Variants in CCDC170 observed in about 807,000 individuals in gnomAD.
CCDC170 encodes the protein coiled-coil domain-containing protein 170.
A neutral mutation model predicts 72.6 loss-of-function variants in CCDC170; 69 were observed. That is an observed-to-expected ratio of 0.95 (90% CI 0.78 to 1.16). The LOEUF (loss-of-function observed/expected upper bound fraction) is 1.16. Ranked by LOEUF, CCDC170 falls within the 50% of genes most tolerant of loss-of-function variation. CCDC170 has a pLI of 0.00. For missense variants in CCDC170, 852 were observed against 832.5 expected (o/e 1.02, Z -0.29); for synonymous variants, 300 against 303.9 (o/e 0.99, Z 0.13).
intron 1 of CCDC170, among the ~76,000 whole-genome samples, chr6:151,510,668 G>A (rs186474165): frequency 1.2e-4 from 19 of 152,222 alleles, no homozygotes; most frequent in African/African-American, 4.1e-4. Flanking sequence ...CAGAAAAATC[G>A]TAAATTAGAT....
At chr6:151,515,528 C>T (rs955241686) in intron 1 of CCDC170, among the ~76,000 whole-genome samples, 2 of 152,172 alleles carry the variant, frequency 1.3e-5, no homozygotes, top group African/African-American at 4.8e-5. Context: ...GGTGATCTGC[C>T]TGCCTTGGCC....
intron 5 of CCDC170, among the ~76,000 whole-genome samples, chr6:151,561,138 C>A (rs1281602043): frequency 6.6e-6 from 1 of 151,750 alleles, no homozygotes; most frequent in African/African-American, 2.4e-5. Flanking sequence ...TTTGATACAG[C>A]CATGCAATGT....
intron 7 of CCDC170, among the ~76,000 whole-genome samples, chr6:151,589,649 C>A (rs1390851069): frequency 1.3e-5 from 2 of 152,146 alleles, no homozygotes; most frequent in Non-Finnish European, 2.9e-5. Context: ...ACTAACTGAG[C>A]TCCCAGCATT....
At chr6:151,582,986 C>CTTTTTTTTTT (rs35947074) in intron 6 of CCDC170, among the ~76,000 whole-genome samples, 1 of 94,234 alleles carries the variant, frequency 1.1e-5, no homozygotes, top group Non-Finnish European at 1.9e-5. Context: ...TGGAGTAGCA[C>CTTTTTTTTTT]TTTTTTTTTT....
chr6:151,527,023 T>G (rs1459287638), intron 1 of CCDC170, among the ~76,000 whole-genome samples: 1 of 150,216 alleles, frequency 6.7e-6, no homozygotes. Flanking sequence ...TAGCTGGGAC[T>G]AGAGGTGTGC....
rs188905024 is a variant in CCDC170, at chr6:151,598,443, C to A, written c.1710+1866C>A. 7.0e-3 allele frequency among the ~76,000 whole-genome samples: 1,063 copies of A among 152,222 alleles called. 8 individuals are homozygous for A. The highest frequency in any genetic ancestry group is 0.024 in the African/African-American group (1,006 of 41,516). On this transcript the variant is annotated intron_variant, in intron 9 of 10. Coordinates refer to ENST00000239374, the MANE Select transcript of CCDC170 (RefSeq NM_025059.4). The stretch of plus-strand genomic sequence containing the variant: ...GAGCAGATGGGGGTGTTCGGTTCAA[C>A]TGAGGGACAAAGTGACCCTCCATCA...
chr6:151,538,593 A>G (rs995979121), intron 3 of CCDC170, among the ~76,000 whole-genome samples: 18 of 152,218 alleles, frequency 1.2e-4, no homozygotes, highest in Non-Finnish European at 1.5e-5. Flanking sequence ...TTCTCTAAGT[A>G]GAGTTTAACC....
Position 151,596,415 on chromosome 6 carries a change from G to GGA in CCDC170, c.1551_1552dup (p.Lys518ArgfsTer33). 6.2e-7 allele frequency: 1 copy of GGA among 1,614,174 alleles called. No homozygotes were observed. Among genetic ancestry groups the GGA allele is most frequent in the Non-Finnish European group, 8.5e-7 (1 of 1,180,020 alleles). ...GGCAGAAAATAGCCCAGCTGGAGGA[G>GGA]GAGAAGCAGGCACGCACGGCCTTGG... On this transcript the variant is annotated frameshift_variant, in exon 9 of 11. Transcript: ENST00000239374. LOFTEE classifies it high-confidence loss of function.
rs774737109 is a variant in CCDC170 at position 151,559,960 on chromosome 6, ATC to A, written c.774+11473_774+11474del. On this transcript the variant is annotated intron_variant, in intron 5 of 10. Transcript: ENST00000239374. ...CTGAATTTTATTTAGTTCTGTTCTG[ATC>A]TTAGTTATTTCTTCTATTGGCCTTG... Among the ~76,000 whole-genome samples, 464 of 151,252 alleles carry A rather than the reference ATC, an allele frequency of 3.1e-3. 1 individual carries two copies. The highest frequency in any genetic ancestry group is 5.5e-3 in the Non-Finnish European group (372 of 67,772).
chr6:151,581,288 T>G (rs530162917), intron 6 of CCDC170, among the ~76,000 whole-genome samples: 101 of 152,360 alleles, frequency 6.6e-4, no homozygotes, highest in Non-Finnish European at 1.3e-3. Context: ...TGCTGCTTTT[T>G]TGTCAGCTAA....
chr6:151,537,535 A>G (rs1782609065), intron 2 of CCDC170, among the ~76,000 whole-genome samples: 1 of 151,856 alleles, frequency 6.6e-6, no homozygotes. Context: ...CTTTTCTCCT[A>G]TGTTTTTTTT....
At chr6:151,578,459 A>C (rs1000090263) in intron 6 of CCDC170, among the ~76,000 whole-genome samples, 14 of 152,100 alleles carry the variant, frequency 9.2e-5, no homozygotes, top group African/African-American at 1.7e-4. Context: ...GCCTTCCTCT[A>C]TGCATGTCGG....
intron 1 of CCDC170, among the ~76,000 whole-genome samples, chr6:151,503,652 C>T (rs1257003021): frequency 6.6e-6 from 1 of 151,976 alleles, no homozygotes; most frequent in African/African-American, 2.4e-5. Flanking sequence ...GGGGTTTCAC[C>T]ATGTCGTCCA....
intron 9 of CCDC170, among the ~76,000 whole-genome samples, chr6:151,599,606 A>T (rs1158790): frequency 0.012 from 1,877 of 151,978 alleles, 36 homozygotes; most frequent in African/African-American, 0.043. Context: ...CTGGGTCCTG[A>T]GGAGCCATTG....
In CCDC170 at chr6:151,573,254, G is replaced by A. The variant is rs2115089414; in HGVS notation, c.855G>A (p.Gln285=). The stretch of plus-strand genomic sequence containing the variant: ...TCCAAGAAAGGCTGCTTGCTGGCCA[G>A]CAGGTCTGGGATGCCTCAAAGCAGG... The part of the protein sequence containing the change: ...KIFQERLLAG[Q]QVWDASKQEV... Residue 285 remains glutamine (Q), a synonymous_variant, in exon 6 of 11, where the codon CAG becomes CAA. Transcript: ENST00000239374. 2 of 1,614,154 alleles carry A rather than the reference G, an allele frequency of 1.2e-6. No homozygotes were observed. The highest frequency in any genetic ancestry group is 2.2e-5 in the South Asian group (2 of 91,084).
At chr6:151,612,819 TCTTA>T (rs1776895169) in intron 9 of CCDC170, among the ~76,000 whole-genome samples, 1 of 152,056 alleles carries the variant, frequency 6.6e-6, no homozygotes. Flanking sequence ...TCTGTTACTT[TCTTA>T]CTTGTTTTTT....
At chr6:151,536,092 C>A (rs1782573087) in intron 1 of CCDC170, among the ~76,000 whole-genome samples, 1 of 152,144 alleles carries the variant, frequency 6.6e-6, no homozygotes, top group Non-Finnish European at 1.5e-5. Flanking sequence ...AACCTCATCA[C>A]CATCCTGGAG....
chr6:151,506,152 A>G (rs990076255), intron 1 of CCDC170, among the ~76,000 whole-genome samples: 11 of 152,222 alleles, frequency 7.2e-5, no homozygotes, highest in Admixed American at 2.6e-4. Flanking sequence ...GAAATCTTCC[A>G]GTGTTGGCCT....
At chr6:151,517,832 G>A (rs1445801160) in intron 1 of CCDC170, among the ~76,000 whole-genome samples, 1 of 152,028 alleles carries the variant, frequency 6.6e-6, no homozygotes, top group Non-Finnish European at 1.5e-5. Context: ...CCTCTAGGAA[G>A]TGTACAATAC....
Sources: allele counts gnomAD v4.1 joint callset (sites outside exome capture counted in the v4.1 genomes callset), GRCh38; gene constraint gnomAD v4.1.1; transcripts MANE v1.5; gene names NCBI Gene and HGNC (gene_info 2026-07-23, HGNC 2026-07-21).